LDLRAD4: variants seen among roughly 807,000 people sequenced by gnomAD.
The protein encoded by LDLRAD4 is low density lipoprotein receptor class A domain containing 4.
In LDLRAD4, 5 loss-of-function variants were observed where a neutral mutation model predicts 17.0. That is an observed-to-expected ratio of 0.29 (90% CI 0.15 to 0.62). LDLRAD4 has a LOEUF of 0.62. Ranked by LOEUF, LDLRAD4 falls within the 20% of genes least tolerant of loss-of-function variation. The probability of loss-of-function intolerance (pLI) is 0.84; values close to 1 mark genes in which losing one functional copy is unlikely to be tolerated. For synonymous variants in LDLRAD4, 168 were observed against 171.8 expected, an observed-to-expected ratio of 0.98 and a Z score of 0.17; for missense variants, 340 against 424.7, an observed-to-expected ratio of 0.80 and a Z score of 1.75.
intron 1 of LDLRAD4, among the ~76,000 whole-genome samples, chr18:13,311,280 CA>C (rs1305918631): frequency 6.6e-6 from 1 of 152,236 alleles, no homozygotes; most frequent in African/African-American, 2.4e-5. Flanking sequence ...CAGTCTTTGT[CA>C]GGGGTGGATG....
At chr18:13,351,146 G>GT (rs1245008560) in intron 1 of LDLRAD4, among the ~76,000 whole-genome samples, 1 of 152,116 alleles carries the variant, frequency 6.6e-6, no homozygotes, top group African/African-American at 2.4e-5. Context: ...ATTTAAAGTA[G>GT]TTTTTTCTAA....
At chr18:13,313,446 C>T (rs2080760459) in intron 1 of LDLRAD4, among the ~76,000 whole-genome samples, 1 of 152,158 alleles carries the variant, frequency 6.6e-6, no homozygotes, top group South Asian at 2.1e-4. Flanking sequence ...TCAGACGTGC[C>T]CTTGAACACT....
chr18:13,545,212 G>A (rs2094344139), intron 3 of LDLRAD4, among the ~76,000 whole-genome samples: 1 of 152,088 alleles, frequency 6.6e-6, no homozygotes. Flanking sequence ...ACTCTGAAGG[G>A]CTGCGTGTTT....
intron 3 of LDLRAD4, among the ~76,000 whole-genome samples, chr18:13,473,636 C>CATTCAT (rs1555701379): frequency 3.5e-5 from 1 of 28,780 alleles, no homozygotes; most frequent in African/African-American, 1.7e-4. Flanking sequence ...GATCCCATCT[C>CATTCAT]ATATATATAT....
Position 13,593,566 on chromosome 18 carries a change from T to C in LDLRAD4, c.182-27551T>C, listed in dbSNP as rs371354330. Among the ~76,000 whole-genome samples, 898 of 151,872 alleles carry C rather than the reference T, an allele frequency of 5.9e-3. 6 individuals are homozygous for C. Among genetic ancestry groups the C allele is most frequent in the African/African-American group, 0.021 (852 of 41,236 alleles). ...TATTTACTTTATCTATCTATCTGTC[T>C]GTCCGTCCGTCCGTCCGTCCATCCA... On this transcript the variant is annotated intron_variant, in intron 3 of 5. Transcript: ENST00000359446.
intron 3 of LDLRAD4, among the ~76,000 whole-genome samples, chr18:13,513,151 A>G (rs1248827490): frequency 6.6e-6 from 1 of 152,232 alleles, no homozygotes; most frequent in Non-Finnish European, 1.5e-5. Context: ...AGCCTGCCCT[A>G]CATTGCAGTT....
At chr18:13,537,794 A>ATG (rs751444418) in intron 3 of LDLRAD4, among the ~76,000 whole-genome samples, 1 of 151,878 alleles carries the variant, frequency 6.6e-6, no homozygotes, top group Non-Finnish European at 1.5e-5. Context: ...GTGTGTGTGT[A>ATG]TGTGTGTGTG....
rs561566948 is a variant in LDLRAD4, at chr18:13,583,763, A to G, written c.182-37354A>G. ...CGAAGCCTGCTTGAGTCACCGAGCCAGGGCGCTGCGGCTCCCCACTGCTGG... is the reference window on the plus strand; with the variant it reads ...CGAAGCCTGCTTGAGTCACCGAGCCGGGGCGCTGCGGCTCCCCACTGCTGG... On this transcript the variant is annotated intron_variant, in intron 3 of 5. Transcript: ENST00000359446. Among the ~76,000 whole-genome samples, 33 of 152,032 alleles carry G rather than the reference A, an allele frequency of 2.2e-4. No homozygotes were observed. In the East Asian group the frequency reaches 3.9e-3, roughly 18 times the overall value.
chr18:13,279,673 A>C (rs1300883561), intron 1 of LDLRAD4: 1 of 152,238 alleles, frequency 6.6e-6, no homozygotes, highest in African/African-American at 2.4e-5. Context: ...CAAAATTGGT[A>C]ATGGAAAACT....
Position 13,551,154 on chromosome 18 carries a change from C to T in LDLRAD4, c.182-69963C>T, listed in dbSNP as rs74401667. ...ACCCACTGTTTGACTTCACCTCCAA[C>T]GGCCACGAGCAAAATAGTGTCATCG... On this transcript the variant is annotated intron_variant, in intron 3 of 5. Coordinates refer to ENST00000359446, the Ensembl canonical transcript of LDLRAD4. Among the ~76,000 whole-genome samples, 711 of 152,290 alleles carry T rather than the reference C, an allele frequency of 4.7e-3. 4 individuals are homozygous for T. The highest frequency in any genetic ancestry group is 0.016 in the African/African-American group (659 of 41,560).
At chr18:13,243,343 G>T (rs1382594980) in intron 1 of LDLRAD4, among the ~76,000 whole-genome samples, 1 of 152,040 alleles carries the variant, frequency 6.6e-6, no homozygotes, top group Non-Finnish European at 1.5e-5. Flanking sequence ...CCTATGAGGA[G>T]GATTAATGAG....
At chr18:13,353,884 T>G (rs1568041279) in intron 1 of LDLRAD4, among the ~76,000 whole-genome samples, 1 of 152,274 alleles carries the variant, frequency 6.6e-6, no homozygotes, top group Non-Finnish European at 1.5e-5. Context: ...AGCTCTTTTA[T>G]AAAGTTAATG....
At chr18:13,351,362 T>A (rs967593895) in intron 1 of LDLRAD4, among the ~76,000 whole-genome samples, 1 of 152,264 alleles carries the variant, frequency 6.6e-6, no homozygotes, top group Non-Finnish European at 1.5e-5. Flanking sequence ...TTAGCTGTAT[T>A]CCTAGGCATT....
intron 2 of LDLRAD4, among the ~76,000 whole-genome samples, chr18:13,428,385 G>A (rs1386493212): frequency 2.0e-5 from 3 of 152,208 alleles, no homozygotes; most frequent in Admixed American, 6.5e-5. Flanking sequence ...AGGGAGCAGC[G>A]AGGAGGCCAG....
At chr18:13,229,449 A>G (rs373327096) in intron 1 of LDLRAD4, among the ~76,000 whole-genome samples, 1 of 152,314 alleles carries the variant, frequency 6.6e-6, no homozygotes. Context: ...AGTGCTCAGT[A>G]AAAGGCAGCT....
At chr18:13,591,442 G>GTA (rs1281665713) in intron 3 of LDLRAD4, among the ~76,000 whole-genome samples, 1 of 151,790 alleles carries the variant, frequency 6.6e-6, no homozygotes, top group African/African-American at 2.4e-5. Context: ...CTGTGTGTGT[G>GTA]TGTGTGTCTC....
chr18:13,477,740 T>G (rs1368049621), intron 3 of LDLRAD4, among the ~76,000 whole-genome samples: 1 of 152,172 alleles, frequency 6.6e-6, no homozygotes, highest in African/African-American at 2.4e-5. Context: ...CTCGCTCCTT[T>G]TGATGAGCCA....
In LDLRAD4 at chr18:13,447,593, C is replaced by T. The variant is rs182340947; in HGVS notation, c.181+9209C>T. On this transcript the variant is annotated intron_variant, in intron 3 of 5. Transcript: ENST00000359446. The stretch of plus-strand genomic sequence containing the variant: ...GATTCTGTTACTGCTTTCATGTGTG[C>T]GGGGCTGTCCCACTTCAGATGAAAT... Among the ~76,000 whole-genome samples the T allele has an allele frequency of 5.3e-4, 80 of 152,202 alleles. 1 individual carries two copies. The highest frequency in any genetic ancestry group is 5.0e-3 in the East Asian group (26 of 5,182).
At chr18:13,450,922 A>G (rs1186466121) in intron 3 of LDLRAD4, among the ~76,000 whole-genome samples, 1 of 152,160 alleles carries the variant, frequency 6.6e-6, no homozygotes, top group East Asian at 1.9e-4. Context: ...CTAGAAAGGT[A>G]GGTGGGGTCA....
Sources: allele counts gnomAD v4.1 joint callset (sites outside exome capture counted in the v4.1 genomes callset), GRCh38; gene constraint gnomAD v4.1.1; transcripts MANE v1.5; gene names NCBI Gene and HGNC (gene_info 2026-07-23, HGNC 2026-07-21).